OSBPL9: variants seen among roughly 807,000 people sequenced by gnomAD.
OSBPL9 encodes the protein oxysterol binding protein like 9, also known as oxysterol-binding protein-related protein 9.
In OSBPL9, 40 loss-of-function variants were observed where a neutral mutation model predicts 106.6. The ratio of observed to expected loss-of-function variants is 0.38; its 90% confidence interval spans 0.29 to 0.49. The LOEUF (loss-of-function observed/expected upper bound fraction) is 0.49, where lower values mean the gene tolerates loss of function less well. Among genes scored for constraint, OSBPL9 ranks in the 20% least tolerant of loss-of-function variants. The probability of loss-of-function intolerance (pLI) is 0.97; values close to 1 mark genes in which losing one functional copy is unlikely to be tolerated. For missense variants in OSBPL9, 609 were observed against 887.2 expected, an observed-to-expected ratio of 0.69 and a Z score of 3.98; for synonymous variants, 269 against 295.4, an observed-to-expected ratio of 0.91 and a Z score of 0.92.
intron 3 of OSBPL9, among the ~76,000 whole-genome samples, chr1:51,680,586 G>A (rs536038165): frequency 3.3e-5 from 5 of 151,982 alleles, no homozygotes; most frequent in African/African-American, 9.6e-5. Flanking sequence ...ACTTGAACTC[G>A]GGGGGCGGAG....
chr1:51,571,834 C>T, the OSBPL9 span, among the ~76,000 whole-genome samples: 14 of 152,316 alleles, frequency 9.2e-5, no homozygotes, highest in African/African-American at 3.1e-4. Flanking sequence ...CCAAACCCTA[C>T]TTCGTAGCTC....
At chr1:51,770,850 C>T (rs1673709838) in intron 12 of OSBPL9, among the ~76,000 whole-genome samples, 1 of 152,152 alleles carries the variant, frequency 6.6e-6, no homozygotes, top group Admixed American at 6.5e-5. Flanking sequence ...AGGATTTTTA[C>T]AGCAGTGAAA....
the OSBPL9 span, among the ~76,000 whole-genome samples, chr1:51,547,993 A>G: frequency 4.6e-5 from 7 of 152,104 alleles, no homozygotes; most frequent in Non-Finnish European, 1.0e-4. Flanking sequence ...TGTATATTAT[A>G]CAATAATAAT....
At chr1:51,783,835 C>T in intron 17 of OSBPL9, 80 bp from the exon 18 acceptor site, 1 of 1,064,032 alleles carries the variant, frequency 9.4e-7, no homozygotes, top group Non-Finnish European at 1.4e-6. Flanking sequence ...CCCATGAAGC[C>T]AATTATTTCC....
intron 4 of OSBPL9, chr1:51,740,305 A>G: frequency 7.5e-7 from 1 of 1,328,204 alleles, no homozygotes. Context: ...AATTGTGAAC[A>G]TAAACTTTCC....
At chr1:51,607,442 G>A (rs945408969) in intron 2 of OSBPL9, among the ~76,000 whole-genome samples, 7 of 152,084 alleles carry the variant, frequency 4.6e-5, no homozygotes, top group African/African-American at 1.4e-4. Context: ...GATTACAGGC[G>A]TGAGCCACCA....
At chr1:51,595,306 A>G (rs760212902) in intron 1 of OSBPL9, among the ~76,000 whole-genome samples, 13 of 152,066 alleles carry the variant, frequency 8.5e-5, no homozygotes, top group Admixed American at 3.3e-4. Context: ...AGTCGCTCTC[A>G]CTTGATTCCG....
chr1:51,570,278 C>T, the OSBPL9 span, among the ~76,000 whole-genome samples: 2 of 152,236 alleles, frequency 1.3e-5, no homozygotes, highest in Non-Finnish European at 2.9e-5. Flanking sequence ...GTTTCATTCA[C>T]ATATATTACT....
At chr1:51,731,049 C>T (rs536149739) in intron 4 of OSBPL9, among the ~76,000 whole-genome samples, 15 of 151,556 alleles carry the variant, frequency 9.9e-5, no homozygotes, top group African/African-American at 3.6e-4. Context: ...GCTTTACTCC[C>T]CCCCACCTTT....
At chr1:51,769,205 A>G (rs901088925) in intron 12 of OSBPL9, among the ~76,000 whole-genome samples, 1 of 130,468 alleles carries the variant, frequency 7.7e-6, no homozygotes, top group African/African-American at 2.9e-5. Context: ...TTTCTAACTG[A>G]GGTCAAATTT....
chr1:51,565,180 C>G, the OSBPL9 span, among the ~76,000 whole-genome samples: 40 of 152,308 alleles, frequency 2.6e-4, 2 homozygotes, highest in East Asian at 7.7e-3. Flanking sequence ...TCAAGCATCT[C>G]TTCTGCATGA....
At chr1:51,598,791 C>T (rs376120056) in intron 2 of OSBPL9, among the ~76,000 whole-genome samples, 19 of 152,022 alleles carry the variant, frequency 1.2e-4, no homozygotes, top group African/African-American at 3.9e-4. Flanking sequence ...GTCAGGAGTT[C>T]GAGACCAGCC....
intron 2 of OSBPL9, among the ~76,000 whole-genome samples, chr1:51,601,942 A>G (rs778403169): frequency 1.3e-5 from 2 of 150,860 alleles, no homozygotes; most frequent in African/African-American, 4.9e-5. Flanking sequence ...CTGCTAGTCA[A>G]CAGCAGAGGT....
At chr1:51,655,419 C>T (rs1248171538) in intron 2 of OSBPL9, among the ~76,000 whole-genome samples, 10 of 152,270 alleles carry the variant, frequency 6.6e-5, no homozygotes, top group South Asian at 6.2e-4. Flanking sequence ...TTCATGTCAG[C>T]GATGTGCATT....
the OSBPL9 span, among the ~76,000 whole-genome samples, chr1:51,559,542 A>G: frequency 6.6e-6 from 1 of 152,052 alleles, no homozygotes; most frequent in African/African-American, 2.4e-5. Flanking sequence ...GACCTACTGG[A>G]TCAGTATCTG....
intron 4 of OSBPL9, among the ~76,000 whole-genome samples, chr1:51,730,615 A>G (rs1008472326): frequency 3.3e-5 from 5 of 152,232 alleles, no homozygotes; most frequent in Admixed American, 2.6e-4. Flanking sequence ...CAGCCGAGTT[A>G]TGGAAAGTTG....
chr1:51,578,853 G>C (rs769091824), intron 1 of OSBPL9, among the ~76,000 whole-genome samples: 20 of 152,206 alleles, frequency 1.3e-4, no homozygotes, highest in Non-Finnish European at 2.2e-4. Flanking sequence ...GTGTGGTAAG[G>C]GTAGTGATAG....
At chr1:51,583,882 A>C (rs1645234276) in intron 1 of OSBPL9, 1 of 151,558 alleles carries the variant, frequency 6.6e-6, no homozygotes, top group Non-Finnish European at 1.5e-5. Flanking sequence ...ACCCCTTGTG[A>C]CTCCTACATC....
At chr1:51,581,520 C>T (rs1025287415) in intron 1 of OSBPL9, among the ~76,000 whole-genome samples, 1 of 152,162 alleles carries the variant, frequency 6.6e-6, no homozygotes, top group Admixed American at 6.5e-5. Context: ...GAGATATGCT[C>T]CACCTCTTTG....
Sources: allele counts gnomAD v4.1 joint callset (sites outside exome capture counted in the v4.1 genomes callset), GRCh38; gene constraint gnomAD v4.1.1; transcripts MANE v1.5; gene names NCBI Gene and HGNC (gene_info 2026-07-23, HGNC 2026-07-21).